Variants in RIN2 observed in about 807,000 individuals in gnomAD.
The protein encoded by RIN2 is RAB5 interacting protein 2.
A neutral mutation model predicts 78.0 loss-of-function variants in RIN2; 36 were observed. The ratio of observed to expected loss-of-function variants is 0.46; its 90% CI spans 0.35 to 0.61. The LOEUF (loss-of-function observed/expected upper bound fraction) is 0.61. Among genes scored for constraint, RIN2 ranks in the 20% least tolerant of loss-of-function variants. The pLI is 0.00. For synonymous variants in RIN2, 466 were observed against 466.8 expected (o/e 1.00, Z 0.02); for missense variants, 1,087 against 1,159.7 (o/e 0.94, Z 0.91).
rs191409744 is a variant in RIN2 at position 19,960,690 on chromosome 20, C to G, written c.352-10C>G. On this transcript the variant is annotated splice_polypyrimidine_tract_variant and intron_variant, in intron 5 of 12. Coordinates refer to ENST00000255006, the MANE Select transcript of RIN2 (RefSeq NM_018993.4). ...TTTCCTAAAGCTTGTATTTCTTTTCCCTCCACTAGATCTTCCTGGTTCATA... is the reference window on the plus strand; with the variant it reads ...TTTCCTAAAGCTTGTATTTCTTTTCGCTCCACTAGATCTTCCTGGTTCATA... The G allele has an allele frequency of 1.8e-5, 28 of 1,552,878 alleles. 1 individual carries two copies. In the African/African-American group the frequency reaches 3.1e-4, roughly 17 times the overall value.
chr20:19,889,209 A>T, intron 2 of RIN2: 1 of 985,454 alleles, frequency 1.0e-6, no homozygotes, highest in Non-Finnish European at 1.2e-6. Flanking sequence ...GTGATCAGCC[A>T]CATTCAATCT....
At chr20:19,768,362 G>A (rs566565291) in intron 1 of RIN2, among the ~76,000 whole-genome samples, 1 of 152,346 alleles carries the variant, frequency 6.6e-6, no homozygotes, top group Non-Finnish European at 1.5e-5. Context: ...TGGAAACAGT[G>A]GGAGCCCCAC....
chr20:19,807,599 G>T (rs1001910764), intron 2 of RIN2, among the ~76,000 whole-genome samples: 1 of 152,052 alleles, frequency 6.6e-6, no homozygotes, highest in Non-Finnish European at 1.5e-5. Context: ...TTCCTCCACA[G>T]TGACAACCTG....
intron 1 of RIN2, among the ~76,000 whole-genome samples, chr20:19,797,191 C>G (rs2035084927): frequency 6.6e-6 from 1 of 152,196 alleles, no homozygotes; most frequent in Non-Finnish European, 1.5e-5. Context: ...GTGCTTATCA[C>G]TAGTGTGAGC....
intron 1 of RIN2, among the ~76,000 whole-genome samples, chr20:19,774,087 C>T (rs772890451): frequency 2.6e-5 from 4 of 152,014 alleles, no homozygotes; most frequent in Non-Finnish European, 5.9e-5. Context: ...AACCAGCTAC[C>T]ATAGGCAGGG....
At chr20:19,925,650 C>T (rs545557971) in intron 3 of RIN2, among the ~76,000 whole-genome samples, 11 of 152,254 alleles carry the variant, frequency 7.2e-5, no homozygotes, top group South Asian at 4.1e-4. Flanking sequence ...TAGAAATAAA[C>T]GATAAAAATA....
In RIN2 at chr20:19,975,108, G is replaced by A. The variant is rs1250387316; in HGVS notation, c.1083G>A (p.Leu361=). The change falls in exon 9 of 13, where the codon CTG becomes CTA. Residue 361 remains leucine, a synonymous_variant. Coordinates refer to ENST00000255006, the MANE Select transcript of RIN2 (RefSeq NM_018993.4). This position sits in a 1 kb window ranked among gnomAD's most constrained non-coding sequence, Gnocchi z 4.9. ...CAACTCCCATCCCTCCACCCCGGCT[G>A]AAGAAGCAGGCTTCTTTTCTGGAAG... ...TKPTPIPPPR[L]KKQASFLEAE... 2.5e-6 allele frequency: 4 copies of A among 1,613,362 alleles called. No individual in the cohort carries two copies. The highest frequency in any genetic ancestry group is 3.4e-6 in the Non-Finnish European group (4 of 1,179,912).
Position 19,990,343 on chromosome 20 carries a change from G to T in RIN2, c.2068+32G>T, listed in dbSNP as rs138759147. On this transcript the variant is annotated intron_variant, in intron 10 of 12. Transcript: ENST00000255006. ...CCGCTGGAAGCCCAGGCTTCGTGCC[G>T]CTTCCCTTCCGGGCCGGGGACAGGC... The T allele has an allele frequency of 3.8e-6, 6 of 1,579,746 alleles. No individual in the cohort carries two copies. The South Asian group carries it at 5.8e-5, about 15-fold the overall frequency.
chr20:19,844,789 G>A (rs2036729271), intron 2 of RIN2, among the ~76,000 whole-genome samples: 1 of 150,594 alleles, frequency 6.6e-6, no homozygotes, highest in South Asian at 2.1e-4. Context: ...GGACATGCAG[G>A]TTTGTTACAT....
At chr20:19,872,891 C>T (rs2037732567) in intron 2 of RIN2, among the ~76,000 whole-genome samples, 2 of 152,142 alleles carry the variant, frequency 1.3e-5, no homozygotes, top group South Asian at 2.1e-4. Context: ...GCCCAAACTT[C>T]ACCACTACAC....
intron 11 of RIN2, among the ~76,000 whole-genome samples, chr20:19,994,696 C>T (rs1486900915): frequency 1.3e-5 from 2 of 152,156 alleles, no homozygotes; most frequent in Admixed American, 6.5e-5. Flanking sequence ...CTCCATACGG[C>T]CTTTCCTGAA....
chr20:19,856,717 T>G lies in RIN2; in HGVS notation c.-36-32849T>G, dbSNP rs375089814. 8.5e-5 allele frequency among the ~76,000 whole-genome samples: 13 copies of G among 152,264 alleles called. No homozygotes were observed. In the East Asian group the frequency reaches 1.2e-3, roughly 14 times the overall value. On this transcript the variant is annotated intron_variant, in intron 2 of 12. Transcript: ENST00000255006. Reference sequence around the variant, plus strand: ...TTAGATGATACATAAAATAATGATGTCCTTTACTATTGATGGAGGCTCAAA... The same window carrying G: ...TTAGATGATACATAAAATAATGATGGCCTTTACTATTGATGGAGGCTCAAA...
At chr20:19,845,064 C>T (rs1372703203) in intron 2 of RIN2, among the ~76,000 whole-genome samples, 1 of 152,148 alleles carries the variant, frequency 6.6e-6, no homozygotes, top group African/African-American at 2.4e-5. Context: ...GACATGACCT[C>T]ATCCTTTTTT....
intron 4 of RIN2, 133 bp from the exon 5 acceptor site, chr20:19,956,482 A>T (rs2041544499): frequency 2.8e-6 from 2 of 724,840 alleles, no homozygotes; most frequent in Admixed American, 4.6e-5. Flanking sequence ...CTGGAAGAGA[A>T]GATGATTAAG....
intron 7 of RIN2, among the ~76,000 whole-genome samples, chr20:19,968,197 C>T (rs1360678183): frequency 6.6e-6 from 1 of 152,166 alleles, no homozygotes; most frequent in Non-Finnish European, 1.5e-5. Context: ...CCTCCCAGGG[C>T]TGTTCCAGGC....
At chr20:19,998,057 C>T (rs2043026616) in intron 12 of RIN2, among the ~76,000 whole-genome samples, 1 of 151,636 alleles carries the variant, frequency 6.6e-6, no homozygotes, top group Non-Finnish European at 1.5e-5. Flanking sequence ...CTGCTCACTG[C>T]AACCTCCACC....
intron 3 of RIN2, among the ~76,000 whole-genome samples, chr20:19,904,371 A>G (rs1000448225): frequency 1.3e-5 from 2 of 151,960 alleles, no homozygotes; most frequent in African/African-American, 4.8e-5. Flanking sequence ...CACACCTACA[A>G]TGGTGAGGCC....
chr20:19,835,407 A>T (rs888735475), intron 2 of RIN2, among the ~76,000 whole-genome samples: 33 of 152,210 alleles, frequency 2.2e-4, no homozygotes, highest in African/African-American at 7.0e-4. Context: ...ACTTCATTAA[A>T]ATTTTTTGAG....
At chr20:19,849,242 A>C (rs950052591) in intron 2 of RIN2, among the ~76,000 whole-genome samples, 1 of 152,232 alleles carries the variant, frequency 6.6e-6, no homozygotes, top group African/African-American at 2.4e-5. Context: ...CTATTTTGCC[A>C]TCTGAATATA....
Sources: allele counts gnomAD v4.1 joint callset (sites outside exome capture counted in the v4.1 genomes callset), GRCh38; gene constraint gnomAD v4.1.1; non-coding constraint Gnocchi (gnomAD v3.1); transcripts MANE v1.5; gene names NCBI Gene and HGNC (gene_info 2026-07-23, HGNC 2026-07-21).